The following ELF2 variants were observed in gnomAD, a reference collection of about 807,000 sequenced individuals.
The protein encoded by ELF2 is E74 like ETS transcription factor 2.
Under a neutral mutation model 54.8 loss-of-function variants are expected in ELF2, and 11 were observed. The observed-to-expected ratio is 0.20, with a 90% confidence interval of 0.13 to 0.33. The LOEUF (loss-of-function observed/expected upper bound fraction) is 0.33, where lower values mean the gene tolerates loss of function less well. Among genes scored for constraint, ELF2 ranks in the 10% least tolerant of loss-of-function variants. The probability of loss-of-function intolerance (pLI) is 1.00; values close to 1 mark genes in which losing one functional copy is unlikely to be tolerated. For synonymous variants in ELF2, 203 were observed against 245.1 expected (o/e 0.83, Z 1.61); for missense variants, 513 against 703.0 (o/e 0.73, Z 3.06).
chr4:139,075,611 T>C (rs1245336193), intron 4 of ELF2, among the ~76,000 whole-genome samples: 1 of 152,118 alleles, frequency 6.6e-6, no homozygotes, highest in Non-Finnish European at 1.5e-5. Flanking sequence ...TGTATTTTAG[T>C]AGAGACGGGG....
chr4:139,083,535 A>AG (rs1228030539), intron 4 of ELF2, among the ~76,000 whole-genome samples: 4 of 152,116 alleles, frequency 2.6e-5, no homozygotes, highest in African/African-American at 9.7e-5. Flanking sequence ...GAATGTGCGG[A>AG]GGAGGGAGGG....
chr4:139,153,227 G>C (rs993399477), intron 1 of ELF2, among the ~76,000 whole-genome samples: 11 of 152,078 alleles, frequency 7.2e-5, no homozygotes, highest in African/African-American at 2.4e-4. Context: ...TTGACCCCAA[G>C]AATTCAAGGC....
At chr4:139,132,369 T>A (rs1449683966) in intron 3 of ELF2, among the ~76,000 whole-genome samples, 1 of 152,122 alleles carries the variant, frequency 6.6e-6, no homozygotes, top group Non-Finnish European at 1.5e-5. Context: ...ACCATCACAG[T>A]CAAGAAATAG....
intron 9 of ELF2, among the ~76,000 whole-genome samples, chr4:139,060,046 C>T (rs1470757159): frequency 4.6e-5 from 7 of 152,080 alleles, no homozygotes; most frequent in Non-Finnish European, 7.4e-5. Context: ...GAGGAGGTCT[C>T]ACTACGTTGC....
intron 1 of ELF2, among the ~76,000 whole-genome samples, chr4:139,146,120 C>T (rs1463208859): frequency 1.3e-5 from 2 of 152,158 alleles, no homozygotes; most frequent in Admixed American, 6.5e-5. Flanking sequence ...CGTATACCTA[C>T]AAAATGCTGA....
chr4:139,139,429 A>C lies in ELF2; in HGVS notation c.-183T>G. 1 of 1,229,442 alleles carries C rather than the reference A, an allele frequency of 8.1e-7. No homozygotes were observed. The allele number at this position is 1,229,442 out of a possible 1,614,324, so 76.2% of individuals were successfully genotyped here. On this transcript the variant is annotated 5_prime_UTR_variant, in exon 2 of 10. Transcript: ENST00000686138. The stretch of plus-strand genomic sequence containing the variant: ...TTTACTTACAGTTTGTATGTTAAGT[A>C]GTCTAAGCATCCTTCACTATTTTCA...
At chr4:139,114,543 C>G (rs1256710883) in intron 4 of ELF2, among the ~76,000 whole-genome samples, 1 of 86,276 alleles carries the variant, frequency 1.2e-5, no homozygotes, top group Admixed American at 1.6e-4. Context: ...AGCCTGGCAA[C>G]AGAGCGAGAC....
chr4:139,112,751 C>T (rs1240075734), intron 4 of ELF2, among the ~76,000 whole-genome samples: 3 of 151,536 alleles, frequency 2.0e-5, no homozygotes, highest in Non-Finnish European at 4.4e-5. Context: ...GGGTGTTTCT[C>T]GGAGATGTAT....
intron 3 of ELF2, among the ~76,000 whole-genome samples, chr4:139,134,591 TTATTTTATTTTA>T (rs1204557102): frequency 1.5e-5 from 2 of 136,092 alleles, no homozygotes; most frequent in Non-Finnish European, 3.1e-5. Flanking sequence ...TATATTTATT[TTATTTTATTTTA>T]TTTTATTTTA....
intron 4 of ELF2, among the ~76,000 whole-genome samples, chr4:139,093,893 C>T (rs900550669): frequency 7.7e-6 from 1 of 129,140 alleles, no homozygotes; most frequent in African/African-American, 2.9e-5. Context: ...TCTTGACTAA[C>T]ATCTTTTTTT....
intron 4 of ELF2, among the ~76,000 whole-genome samples, chr4:139,123,133 G>A (rs1180516593): frequency 6.7e-6 from 1 of 149,892 alleles, no homozygotes; most frequent in Non-Finnish European, 1.5e-5. Flanking sequence ...ACAGTGAGCC[G>A]AGATTGCACC....
intron 4 of ELF2, among the ~76,000 whole-genome samples, chr4:139,109,196 G>T (rs2148803971): frequency 6.6e-6 from 1 of 151,948 alleles, no homozygotes; most frequent in East Asian, 1.9e-4. Context: ...TAGTTTCTTG[G>T]TCCAACAATT....
chr4:139,161,882 CAGG>C (rs781595031), intron 1 of ELF2, among the ~76,000 whole-genome samples: 2 of 151,982 alleles, frequency 1.3e-5, no homozygotes, highest in Non-Finnish European at 2.9e-5. Context: ...ATCACAAGGT[CAGG>C]AGATCGAGAT....
At chr4:139,145,497 C>T (rs1739135031) in intron 1 of ELF2, among the ~76,000 whole-genome samples, 1 of 152,176 alleles carries the variant, frequency 6.6e-6, no homozygotes, top group African/African-American at 2.4e-5. Context: ...GCAAGGGGGA[C>T]AGCACCACAT....
chr4:139,114,561 T>TCACA (rs776035411), intron 4 of ELF2, among the ~76,000 whole-genome samples: 1,274 of 108,634 alleles, frequency 0.012, 24 homozygotes, highest in East Asian at 0.038. Context: ...GACTTCAGTC[T>TCACA]CACACACACA....
At chr4:139,107,660 G>T (rs1385466591) in intron 4 of ELF2, among the ~76,000 whole-genome samples, 1 of 152,052 alleles carries the variant, frequency 6.6e-6, no homozygotes, top group African/African-American at 2.4e-5. Context: ...TCAAAAAAAA[G>T]CACCTCTCAA....
Position 139,062,194 on chromosome 4 carries a change from G to A in ELF2, c.614-137C>T, listed in dbSNP as rs1224117410. 2.0e-5 allele frequency: 17 copies of A among 853,744 alleles called. No homozygotes were observed. In the East Asian group the frequency reaches 2.0e-4, roughly 10 times the overall value. The allele number at this position is 853,744 out of a possible 1,614,324, so 52.9% of individuals were successfully genotyped here. A position where few individuals can be genotyped will look rare whatever the true frequency, so the allele number is the denominator to read the frequency against. On this transcript the variant is annotated intron_variant, in intron 7 of 9. Coordinates refer to ENST00000686138, the MANE Select transcript of ELF2 (RefSeq NM_001331036.3). ...TTCTACTTTTTTTTTTTTTGGAGAC[G>A]GAGTCTTGCTCTGTCGCCCAGGCTG...
chr4:139,135,273 G>C (rs58341008), intron 3 of ELF2, among the ~76,000 whole-genome samples: 1 of 136,356 alleles, frequency 7.3e-6, no homozygotes, highest in Admixed American at 7.2e-5. Flanking sequence ...GTGTGTGTGT[G>C]TGTGTGTATA....
intron 1 of ELF2, among the ~76,000 whole-genome samples, chr4:139,162,562 A>G (rs962362593): frequency 2.0e-5 from 3 of 152,204 alleles, no homozygotes; most frequent in Non-Finnish European, 4.4e-5. Context: ...TAATGTAAAT[A>G]CAAATGGAAT....
Sources: allele counts gnomAD v4.1 joint callset (sites outside exome capture counted in the v4.1 genomes callset), GRCh38; gene constraint gnomAD v4.1.1; transcripts MANE v1.5; gene names NCBI Gene and HGNC (gene_info 2026-07-23, HGNC 2026-07-21).